The following DGLUCY variants were observed in gnomAD, a reference collection of about 807,000 sequenced individuals.
DGLUCY encodes D-glutamate cyclase, also known as D-glutamate cyclase, mitochondrial.
A neutral mutation model predicts 58.5 loss-of-function variants in DGLUCY; 58 were observed. That is an observed-to-expected ratio of 0.99 (90% CI 0.80 to 1.23). The LOEUF (loss-of-function observed/expected upper bound fraction) is 1.23. DGLUCY is among the 50% of genes most tolerant of loss of function. DGLUCY has a pLI of 0.00. For missense variants in DGLUCY, 779 were observed against 784.7 expected (o/e 0.99, Z 0.09); for synonymous variants, 325 against 314.1 (o/e 1.03, Z -0.37).
intron 1 of DGLUCY, among the ~76,000 whole-genome samples, chr14:91,130,656 G>A (rs1055231649): frequency 6.6e-6 from 1 of 151,600 alleles, no homozygotes; most frequent in Non-Finnish European, 1.5e-5. Flanking sequence ...GTCTTATTCT[G>A]TCACCCAGGC....
intron 3 of DGLUCY, among the ~76,000 whole-genome samples, chr14:91,161,809 CATT>C (rs1333231807): frequency 8.9e-5 from 2 of 22,484 alleles, no homozygotes; most frequent in African/African-American, 2.2e-4. Flanking sequence ...CGATTTTTGC[CATT>C]TTTTTTTTTT....
At chr14:91,088,800 A>C (rs2044263520) in intron 1 of DGLUCY, among the ~76,000 whole-genome samples, 1 of 152,220 alleles carries the variant, frequency 6.6e-6, no homozygotes, top group African/African-American at 2.4e-5. Context: ...CAGGGACGGG[A>C]GGCTGCCAAC....
chr14:91,208,924 T>A (rs527917332), intron 12 of DGLUCY, among the ~76,000 whole-genome samples: 23 of 152,306 alleles, frequency 1.5e-4, no homozygotes, highest in Non-Finnish European at 3.1e-4. Flanking sequence ...ACTAAAAAAT[T>A]AATTTTAAAA....
chr14:91,160,139 G>A, intron 2 of DGLUCY, 127 bp from the exon 3 acceptor site: 1 of 684,952 alleles, frequency 1.5e-6, no homozygotes. Context: ...CCCACCACAA[G>A]GCAGGCCCAG....
At chr14:91,141,674 C>T (rs2046689254) in intron 1 of DGLUCY, among the ~76,000 whole-genome samples, 1 of 151,472 alleles carries the variant, frequency 6.6e-6, no homozygotes, top group South Asian at 2.1e-4. Flanking sequence ...GCCTCAGCCT[C>T]ACCAGTAGCT....
chr14:91,109,832 A>G (rs369458648), upstream of DGLUCY, among the ~76,000 whole-genome samples: 36 of 152,338 alleles, frequency 2.4e-4, no homozygotes, highest in East Asian at 4.2e-3. Context: ...TGGAGGGGAT[A>G]TAAACATTCA....
chr14:91,104,263 C>T (rs1035988545), upstream of DGLUCY, among the ~76,000 whole-genome samples: 9 of 151,654 alleles, frequency 5.9e-5, no homozygotes, highest in Admixed American at 3.3e-4. Flanking sequence ...GGGGTTTCAC[C>T]GTGTTAGCCA....
At position 91,142,686 on chromosome 14, in the gene DGLUCY, C is replaced by T. The variant is rs1448448866; in HGVS notation, c.-81-14953C>T. On this transcript the variant is annotated intron_variant, in intron 1 of 13. Coordinates refer to ENST00000256324, the MANE Select transcript of DGLUCY (RefSeq NM_001102368.3). ...TCAAAAGTCTAATCGTAGCTGGCCA[C>T]GGTGGCTTATGCCTGTAATCCCAGC... Among the ~76,000 whole-genome samples the T allele has an allele frequency of 9.9e-5, 15 of 152,044 alleles. No individual in the cohort carries two copies. In the East Asian group the frequency reaches 1.2e-3, roughly 12 times the overall value.
intron 1 of DGLUCY, among the ~76,000 whole-genome samples, chr14:91,094,023 A>G (rs143194348): frequency 6.6e-6 from 1 of 152,300 alleles, no homozygotes; most frequent in Non-Finnish European, 1.5e-5. Context: ...TTCTGGAACT[A>G]GATAATGCTG....
chr14:91,196,138 A>G (rs2050191214), intron 9 of DGLUCY, among the ~76,000 whole-genome samples: 1 of 152,140 alleles, frequency 6.6e-6, no homozygotes, highest in African/African-American at 2.4e-5. Context: ...CATATTTGTT[A>G]GGCTGTGTTA....
At position 91,140,459 on chromosome 14, in the gene DGLUCY, G is replaced by A. The variant is rs905971938; in HGVS notation, c.-81-17180G>A. Among the ~76,000 whole-genome samples the A allele has an allele frequency of 2.6e-5, 4 of 152,166 alleles. No homozygotes were observed. The East Asian group carries it at 7.7e-4, about 29-fold the overall frequency. On this transcript the variant is annotated intron_variant, in intron 1 of 13. Coordinates refer to ENST00000256324, the MANE Select transcript of DGLUCY (RefSeq NM_001102368.3). ...GGCTGAGGCTGGCGGATCACCTGAA[G>A]TCAGGAGTTCAAGAGCAGCCTGGCC...
chr14:91,192,073 T>A (rs966908774), intron 9 of DGLUCY, among the ~76,000 whole-genome samples: 2 of 152,242 alleles, frequency 1.3e-5, no homozygotes, highest in East Asian at 3.9e-4. Flanking sequence ...TCCCTAATGC[T>A]CATAGCACTT....
intron 7 of DGLUCY, among the ~76,000 whole-genome samples, chr14:91,178,743 A>G (rs2048999428): frequency 6.6e-6 from 1 of 152,206 alleles, no homozygotes; most frequent in Non-Finnish European, 1.5e-5. Flanking sequence ...TAAATATGAA[A>G]CTTTAAGCCA....
intron 1 of DGLUCY, among the ~76,000 whole-genome samples, chr14:91,152,746 T>C (rs920341164): frequency 6.6e-6 from 1 of 152,186 alleles, no homozygotes; most frequent in Non-Finnish European, 1.5e-5. Flanking sequence ...TGTGGGACTC[T>C]GGGGAAGTGA....
chr14:91,154,262 T>C (rs566267225), intron 1 of DGLUCY, among the ~76,000 whole-genome samples: 1 of 152,196 alleles, frequency 6.6e-6, no homozygotes, highest in Non-Finnish European at 1.5e-5. Flanking sequence ...TGTGTGAGAT[T>C]GATCAGCCTT....
At position 91,215,543 on chromosome 14, in the gene DGLUCY, C is replaced by G. The variant is rs763024478; in HGVS notation, c.1703C>G (p.Pro568Arg). The change falls in exon 13 of 14, where the codon CCG becomes CGG. Residue 568 changes from proline (P) to arginine (R), a missense_variant. Pro to Arg is a moderately radical substitution (Grantham distance 103, BLOSUM62 -2). Transcript: ENST00000256324. Reference sequence around the variant, plus strand: ...GATCAGGCCTGGACTCAGGCCCTCCCGTCGGTCATTAAGGTAACAAACCCC... The same window carrying G: ...GATCAGGCCTGGACTCAGGCCCTCCGGTCGGTCATTAAGGTAACAAACCCC... ...PGDQAWTQAL[P>R]SVIKEEKMLG... 6.2e-7 allele frequency: 1 copy of G among 1,613,612 alleles called. No homozygotes were observed. The highest frequency in any genetic ancestry group is 8.5e-7 in the Non-Finnish European group (1 of 1,179,638).
At chr14:91,140,662 C>A (rs1453057133) in intron 1 of DGLUCY, among the ~76,000 whole-genome samples, 1 of 152,148 alleles carries the variant, frequency 6.6e-6, no homozygotes, top group African/African-American at 2.4e-5. Context: ...CAGAGTGAGA[C>A]CCCTTTCCAA....
At chr14:91,106,724 C>G (rs1047274186), upstream of DGLUCY, among the ~76,000 whole-genome samples, 1 of 144,302 alleles carries the variant, frequency 6.9e-6, no homozygotes, top group East Asian at 2.1e-4. Flanking sequence ...AAAAAAAACT[C>G]ACTTATGAAT....
chr14:91,106,311 C>A (rs964062312), upstream of DGLUCY, among the ~76,000 whole-genome samples: 3 of 138,656 alleles, frequency 2.2e-5, no homozygotes, highest in Admixed American at 6.9e-5. Context: ...CCATTCCCTA[C>A]CCCCCCCCAA....
Sources: allele counts gnomAD v4.1 joint callset (sites outside exome capture counted in the v4.1 genomes callset), GRCh38; gene constraint gnomAD v4.1.1; transcripts MANE v1.5; gene names NCBI Gene and HGNC (gene_info 2026-07-23, HGNC 2026-07-21).